Variants in ADPRHL1 observed in about 807,000 individuals in gnomAD.
The protein encoded by ADPRHL1 is ADP-ribosylhydrolase like 1, also known as inactive ADP-ribosyltransferase ARH2.
ADPRHL1 carries 43 observed loss-of-function variants against 44.1 expected under a neutral mutation model. The observed-to-expected ratio is 0.98, with a 90% CI of 0.76 to 1.26. The LOEUF is 1.26. Among genes scored for constraint, ADPRHL1 ranks in the 50% most tolerant of loss-of-function variants. The pLI is 0.00. For missense variants in ADPRHL1, 2,022 were observed against 2,496.9 expected (o/e 0.81, Z 4.05); for synonymous variants, 878 against 1,017.4 (o/e 0.86, Z 2.61).
Position 113,442,503 on chromosome 13 carries a change from AG to A in ADPRHL1, c.379+1921del, listed in dbSNP as rs2044106200. On this transcript the variant is annotated intron_variant, in intron 2 of 7. Transcript: ENST00000612156. Reference sequence around the variant, plus strand: ...TAGGTTGAAGTGTTGTATTTTTTTCAGTAGCTTAATGATGTGGCTCCACCGT... The same window carrying A: ...TAGGTTGAAGTGTTGTATTTTTTTCATAGCTTAATGATGTGGCTCCACCGT... Among the ~76,000 whole-genome samples, 4 of 152,212 alleles carry A rather than the reference AG, an allele frequency of 2.6e-5. No homozygotes were observed. In the South Asian group the frequency reaches 8.3e-4, roughly 32 times the overall value.
At chr13:113,448,827 C>T (rs990453956) in intron 1 of ADPRHL1, among the ~76,000 whole-genome samples, 1 of 152,270 alleles carries the variant, frequency 6.6e-6, no homozygotes, top group Non-Finnish European at 1.5e-5. Context: ...CTGGTTGCTC[C>T]GTTTAATCCT....
chr13:113,405,937 T>G lies in ADPRHL1; in HGVS notation c.3345A>C (p.Ala1115=). 1 of 1,232,054 alleles carries G rather than the reference T, an allele frequency of 8.1e-7. No individual in the cohort carries two copies. Among genetic ancestry groups the G allele is most frequent in the Non-Finnish European group, 1.0e-6 (1 of 988,038 alleles). 76.3% of individuals were successfully genotyped at this position (1,232,054 alleles called of 1,614,324 possible). Residue 1115 remains alanine, a synonymous_variant, in exon 8 of 8, where the codon GCA becomes GCC. Coordinates refer to ENST00000612156, the MANE Select transcript of ADPRHL1 (RefSeq NM_001394807.1). ...KPGMKACGAM[A]AAGSVASRAT... is the part of the protein sequence containing the mutation. ...CGCGGCTCGCAACGCTCCCTGCAGC[T>G]GCCATCGCCCCACAGGCTTTCATAC...
chr13:113,446,640 T>G (rs942542215), intron 1 of ADPRHL1, among the ~76,000 whole-genome samples: 18 of 152,228 alleles, frequency 1.2e-4, no homozygotes, highest in African/African-American at 3.9e-4. Context: ...ACCTGGTGTC[T>G]ACATGCGCAG....
intron 4 of ADPRHL1, 96 bp downstream of exon 4, chr13:113,428,856 G>T: frequency 6.4e-7 from 1 of 1,556,438 alleles, no homozygotes. Context: ...TTCCATCTAA[G>T]AGCGAAAGTG....
At chr13:113,436,027 C>T (rs938940009) in intron 2 of ADPRHL1, among the ~76,000 whole-genome samples, 3 of 151,570 alleles carry the variant, frequency 2.0e-5, no homozygotes, top group Admixed American at 1.3e-4. Flanking sequence ...GGACCCAGCA[C>T]CCAGGCACAG....
At position 113,422,964 on chromosome 13, in the gene ADPRHL1, G is replaced by T; in HGVS notation, c.923C>A (p.Thr308Lys). The T allele has an allele frequency of 6.2e-7, 1 of 1,612,828 alleles. No individual in the cohort carries two copies. Among genetic ancestry groups the T allele is most frequent in the Non-Finnish European group, 8.5e-7 (1 of 1,179,956 alleles). Residue 308 changes from threonine to lysine, a missense_variant, in exon 7 of 8, where the codon ACG becomes AAG. Coordinates refer to ENST00000612156, the MANE Select transcript of ADPRHL1 (RefSeq NM_001394807.1). ...GAACAGGCAGCCTGCAATGGTGCCC[G>T]TGGCCGCGCTCTCCCCTGAAACGCA... The part of the protein sequence containing the change: ...AMFHGGESAA[T>K]GTIAGCLFGL...
Position 113,406,239 on chromosome 13 carries a change from T to G in ADPRHL1, c.3043A>C (p.Arg1015=). Residue 1015 remains arginine, a synonymous_variant, in exon 8 of 8, where the codon AGG becomes CGG. Coordinates refer to ENST00000612156, the MANE Select transcript of ADPRHL1 (RefSeq NM_001394807.1). ...NDPAASQNLL[R]GNTSHASSSQ... ...CTGGAGGCATGGCTGGTGTTTCCCC[T>G]CAGAAGGTTTTGTGAGGCTGCAGGA... 8.1e-7 allele frequency: 1 copy of G among 1,232,110 alleles called. No individual in the cohort carries two copies. Among genetic ancestry groups the G allele is most frequent in the Non-Finnish European group, 1.0e-6 (1 of 987,990 alleles). 76.3% of individuals were successfully genotyped at this position (1,232,110 alleles called of 1,614,324 possible). A position where few individuals can be genotyped will look rare whatever the true frequency, so the allele number is the denominator to read the frequency against.
intron 7 of ADPRHL1, among the ~76,000 whole-genome samples, chr13:113,413,517 G>A (rs1011072707): frequency 4.6e-5 from 7 of 152,238 alleles, no homozygotes; most frequent in Admixed American, 3.3e-4. Flanking sequence ...GGGGCTCTGC[G>A]TGTCTCCCGA....
At chr13:113,412,715 C>T (rs2043861907) in intron 7 of ADPRHL1, among the ~76,000 whole-genome samples, 1 of 148,332 alleles carries the variant, frequency 6.7e-6, no homozygotes, top group Non-Finnish European at 1.5e-5. Flanking sequence ...GCCCCGGAGG[C>T]TCAGTTCACC....
In ADPRHL1 at chr13:113,432,993, C is replaced by T. The variant is rs552062335; in HGVS notation, c.505+749G>A. Among the ~76,000 whole-genome samples, 3 of 152,318 alleles carry T rather than the reference C, an allele frequency of 2.0e-5. No individual in the cohort carries two copies. In the South Asian group the frequency reaches 6.2e-4, roughly 32 times the overall value. The stretch of plus-strand genomic sequence containing the variant: ...CACCCCAGCCTGGCCTCTCAGAGGC[C>T]TGCCCTCCACAGGACGGGCTGCGGA... On this transcript the variant is annotated intron_variant, in intron 3 of 7. Coordinates refer to ENST00000612156, the MANE Select transcript of ADPRHL1 (RefSeq NM_001394807.1).
Position 113,405,469 on chromosome 13 carries a change from T to C in ADPRHL1, c.3813A>G (p.Pro1271=). 2 of 1,231,866 alleles carry C rather than the reference T, an allele frequency of 1.6e-6. No homozygotes were observed. The highest frequency in any genetic ancestry group is 2.0e-6 in the Non-Finnish European group (2 of 988,048). 76.3% of individuals were successfully genotyped at this position (1,231,866 alleles called of 1,614,324 possible). A position where few individuals can be genotyped will look rare whatever the true frequency, so the allele number is the denominator to read the frequency against. ...GGGACTCTGCCACGCTCCTTGCCTG[T>C]GGCCTAGGATGATCAGAAGCAGGAA... The part of the protein sequence containing the change: ...SGIPASDHPR[P]QARSVAESPS... The change falls in exon 8 of 8, where the codon CCA becomes CCG. Residue 1271 remains proline (P), a synonymous_variant. Transcript: ENST00000612156.
At chr13:113,448,029 T>C (rs2044154291) in intron 1 of ADPRHL1, among the ~76,000 whole-genome samples, 1 of 152,176 alleles carries the variant, frequency 6.6e-6, no homozygotes, top group Non-Finnish European at 1.5e-5. Flanking sequence ...ACAGAAGCCA[T>C]AAAACAAAAT....
chr13:113,419,917 T>C (rs1017840060), intron 7 of ADPRHL1, among the ~76,000 whole-genome samples: 2 of 151,920 alleles, frequency 1.3e-5, no homozygotes, highest in African/African-American at 4.8e-5. Flanking sequence ...GGTGTGTGTG[T>C]GGAGGAGGCT....
chr13:113,430,533 C>T (rs967484778), intron 3 of ADPRHL1, among the ~76,000 whole-genome samples: 8 of 152,184 alleles, frequency 5.3e-5, no homozygotes, highest in East Asian at 1.9e-4. Context: ...TGGTGGTACT[C>T]GTGACGGTCA....
At chr13:113,432,981 C>T (rs932180123) in intron 3 of ADPRHL1, among the ~76,000 whole-genome samples, 1 of 152,324 alleles carries the variant, frequency 6.6e-6, no homozygotes, top group South Asian at 2.1e-4. Context: ...CCCAGCCTGG[C>T]CTCTCAGAGG....
intron 1 of ADPRHL1, chr13:113,449,359 C>G: frequency 3.0e-6 from 1 of 338,552 alleles, no homozygotes; most frequent in Non-Finnish European, 4.2e-6. Flanking sequence ...TTCAGAGAGA[C>G]ACACCCGGAA....
At chr13:113,419,278 G>GTA (rs1555326170) in intron 7 of ADPRHL1, among the ~76,000 whole-genome samples, 3 of 77,314 alleles carry the variant, frequency 3.9e-5, no homozygotes, top group Non-Finnish European at 7.8e-5. Context: ...GCTAATTTTT[G>GTA]TATTTTTTTT....
At position 113,404,245 on chromosome 13, in the gene ADPRHL1, C is replaced by T. The variant is rs892330617; in HGVS notation, c.5037G>A (p.Gln1679=). 5 of 1,299,814 alleles carry T rather than the reference C, an allele frequency of 3.8e-6. No homozygotes were observed. The African/African-American group carries it at 6.2e-5, about 16-fold the overall frequency. 80.5% of individuals were successfully genotyped at this position (1,299,814 alleles called of 1,614,324 possible). Residue 1679 remains glutamine, a synonymous_variant, in exon 8 of 8, where the codon CAG becomes CAA. Transcript: ENST00000612156. ...CCCGTTCCTGAGCCCCTTTCTGGGC[C>T]TGTTCCCGAGCCCGTTCCTGAGCCC... The part of the protein sequence containing the change: ...QKGAQERARE[Q]AQKGAQERAR...
chr13:113,416,816 A>T (rs1373833176), intron 7 of ADPRHL1, among the ~76,000 whole-genome samples: 1 of 152,260 alleles, frequency 6.6e-6, no homozygotes, highest in African/African-American at 2.4e-5. Flanking sequence ...GAGGAATTTC[A>T]TCTGAAATAT....
Sources: gnomAD v4.1 joint callset for allele counts (sites outside exome capture counted in the v4.1 genomes callset) on GRCh38, gnomAD v4.1.1 for gene constraint, MANE v1.5 for transcripts, NCBI Gene and HGNC (gene_info 2026-07-23, HGNC 2026-07-21) for gene names.